Variants in NEK11 observed in about 807,000 individuals in gnomAD.
The protein encoded by NEK11 is serine/threonine-protein kinase Nek11.
In NEK11, 72 loss-of-function variants were observed where a neutral mutation model predicts 80.7. The ratio of observed to expected loss-of-function variants is 0.89; its 90% CI spans 0.74 to 1.08. The LOEUF (loss-of-function observed/expected upper bound fraction) is 1.08. Ranked by LOEUF, NEK11 falls within the 50% of genes least tolerant of loss-of-function variation. NEK11 has a pLI of 0.00. For missense variants in NEK11, 764 were observed against 763.6 expected (o/e 1.00, Z -0.01); for synonymous variants, 251 against 260.7 (o/e 0.96, Z 0.36).
intron 17 of NEK11, among the ~76,000 whole-genome samples, chr3:131,296,732 A>T (rs2096597358): frequency 1.3e-5 from 2 of 152,086 alleles, no homozygotes. Flanking sequence ...ACATATGTGT[A>T]CATGTGCCAT....
At chr3:131,145,858 TTGTGAG>T (rs1341070896) in intron 7 of NEK11, among the ~76,000 whole-genome samples, 1 of 152,138 alleles carries the variant, frequency 6.6e-6, no homozygotes, top group Non-Finnish European at 1.5e-5. Context: ...ATTAGGATTG[TTGTGAG>T]TGTAAGTTAA....
At chr3:131,206,752 G>A (rs760655069) in intron 14 of NEK11, among the ~76,000 whole-genome samples, 42 of 152,174 alleles carry the variant, frequency 2.8e-4, no homozygotes, top group Non-Finnish European at 5.1e-4. Context: ...CATGTGCCAT[G>A]TTGGTGTGCT....
chr3:131,288,490 TTGCCCAGGCTGGAG>T (rs2096503351), intron 17 of NEK11, among the ~76,000 whole-genome samples: 1 of 148,430 alleles, frequency 6.7e-6, no homozygotes, highest in African/African-American at 2.5e-5. Flanking sequence ...TTCACTCTTG[TTGCCCAGGCTGGAG>T]TGCAATGGGG....
intron 14 of NEK11, among the ~76,000 whole-genome samples, chr3:131,217,782 C>G (rs748499331): frequency 1.3e-5 from 2 of 152,112 alleles, no homozygotes; most frequent in Non-Finnish European, 2.9e-5. Context: ...TTTCTAAATA[C>G]AATTTCTTAA....
chr3:131,029,639 A>T lies in NEK11; in HGVS notation c.-70A>T. 1 of 1,446,868 alleles carries T rather than the reference A, an allele frequency of 6.9e-7. No individual in the cohort carries two copies. The allele number at this position is 1,446,868 out of a possible 1,614,324, so 89.6% of individuals were successfully genotyped here. A position where few individuals can be genotyped will look rare whatever the true frequency, so the allele number is the denominator to read the frequency against. On this transcript the variant is annotated 5_prime_UTR_variant, in exon 3 of 18. Coordinates refer to ENST00000383366, the MANE Select transcript of NEK11 (RefSeq NM_024800.5). ...AACTGACCAACACTGGATGAATTTG[A>T]CCATTTCTTAGGAGACTGGAATGTT...
chr3:131,199,137 G>C (rs1239198688), intron 14 of NEK11, among the ~76,000 whole-genome samples: 1 of 151,994 alleles, frequency 6.6e-6, no homozygotes, highest in Non-Finnish European at 1.5e-5. Context: ...TATAGCAAAA[G>C]ACATAATAAA....
chr3:131,174,943 C>G, intron 14 of NEK11: 3 of 1,414,582 alleles, frequency 2.1e-6, no homozygotes. Flanking sequence ...CTCTTCATTT[C>G]CTGTTCAGCC....
In NEK11 at chr3:131,129,807, T is replaced by A. The variant is rs190899062; in HGVS notation, c.456-2938T>A. 2.0e-5 allele frequency among the ~76,000 whole-genome samples: 3 copies of A among 152,320 alleles called. No homozygotes were observed. In the East Asian group the frequency reaches 5.8e-4, roughly 29 times the overall value. On this transcript the variant is annotated intron_variant, in intron 5 of 17. Transcript: ENST00000383366. ...TATTCTGTTTTATTGATTTTTTTTC[T>A]CTCCAATACTGTACTGTCTTAATTA...
chr3:131,337,901 A>G (rs1289119035), intron 17 of NEK11, among the ~76,000 whole-genome samples: 1 of 152,164 alleles, frequency 6.6e-6, no homozygotes, highest in African/African-American at 2.4e-5. Context: ...ATGATTGTGT[A>G]AATAACACAT....
chr3:131,117,487 G>T (rs564330724), intron 5 of NEK11, among the ~76,000 whole-genome samples: 1 of 151,320 alleles, frequency 6.6e-6, no homozygotes, highest in South Asian at 2.1e-4. Flanking sequence ...ATGAACTTTA[G>T]TTTTTTTTTC....
At chr3:131,174,045 T>A (rs1350158216) in intron 14 of NEK11, among the ~76,000 whole-genome samples, 2 of 152,234 alleles carry the variant, frequency 1.3e-5, no homozygotes, top group Non-Finnish European at 2.9e-5. Flanking sequence ...TCATACCTTC[T>A]AAATGCTATT....
chr3:131,095,654 A>G (rs1247764151), intron 4 of NEK11, among the ~76,000 whole-genome samples: 1 of 152,220 alleles, frequency 6.6e-6, no homozygotes, highest in Non-Finnish European at 1.5e-5. Context: ...TAACTTAAAG[A>G]TGGTTCAGCA....
Position 131,101,035 on chromosome 3 carries a change from G to A in NEK11, c.337-8768G>A, listed in dbSNP as rs144970571. Among the ~76,000 whole-genome samples, 24 of 152,202 alleles carry A rather than the reference G, an allele frequency of 1.6e-4. No homozygotes were observed. The East Asian group carries it at 2.1e-3, about 13-fold the overall frequency. On this transcript the variant is annotated intron_variant, in intron 4 of 17. Transcript: ENST00000383366. ...TCTATTTTGTGTGTGTAAGTTGGTC[G>A]TAGTATTCTCTGAGGATCTTTTGTA...
At chr3:131,263,714 C>A (rs1188729900) in intron 16 of NEK11, among the ~76,000 whole-genome samples, 1 of 152,030 alleles carries the variant, frequency 6.6e-6, no homozygotes, top group African/African-American at 2.4e-5. Flanking sequence ...ATTTATAATC[C>A]TTTGGGTGTA....
At chr3:131,122,858 G>A (rs1029715794) in intron 5 of NEK11, among the ~76,000 whole-genome samples, 2 of 152,048 alleles carry the variant, frequency 1.3e-5, no homozygotes, top group Non-Finnish European at 2.9e-5. Context: ...GATGGAGATG[G>A]GATTTTTAGC....
chr3:131,108,136 A>G (rs191148307), intron 4 of NEK11, among the ~76,000 whole-genome samples: 3 of 152,280 alleles, frequency 2.0e-5, no homozygotes, highest in South Asian at 2.1e-4. Flanking sequence ...AATGTTTGCT[A>G]TACTTTTGAT....
At chr3:131,190,592 C>T (rs1489255528) in intron 14 of NEK11, among the ~76,000 whole-genome samples, 2 of 152,114 alleles carry the variant, frequency 1.3e-5, no homozygotes, top group East Asian at 1.9e-4. Context: ...CAGAAGTGGA[C>T]GCTGGCACAA....
At chr3:131,030,957 C>T (rs2064751529) in intron 3 of NEK11, among the ~76,000 whole-genome samples, 1 of 152,212 alleles carries the variant, frequency 6.6e-6, no homozygotes, top group African/African-American at 2.4e-5. Flanking sequence ...AAGATATCAG[C>T]CCTTAACCCC....
At chr3:131,338,661 A>G (rs1232338302) in intron 17 of NEK11, among the ~76,000 whole-genome samples, 1 of 152,250 alleles carries the variant, frequency 6.6e-6, no homozygotes, top group Non-Finnish European at 1.5e-5. Context: ...CTGATCAGCA[A>G]TAAAAGGAAC....
Sources: allele counts gnomAD v4.1 joint callset (sites outside exome capture counted in the v4.1 genomes callset), GRCh38; gene constraint gnomAD v4.1.1; transcripts MANE v1.5; gene names NCBI Gene and HGNC (gene_info 2026-07-23, HGNC 2026-07-21).